Variants in C9orf43 observed in about 807,000 individuals in gnomAD.
The protein encoded by C9orf43 is uncharacterized protein C9orf43.
C9orf43 carries 45 observed loss-of-function variants against 59.1 expected under a neutral mutation model. The ratio of observed to expected loss-of-function variants is 0.76; its 90% CI spans 0.60 to 0.98. The LOEUF is 0.98. C9orf43 is among the 50% of genes least tolerant of loss of function. C9orf43 has a pLI of 0.00. For synonymous variants in C9orf43, 203 were observed against 196.8 expected (o/e 1.03, Z -0.26); for missense variants, 533 against 554.9 (o/e 0.96, Z 0.40).
At position 113,424,175 on chromosome 9, in the gene C9orf43, A is replaced by G; in HGVS notation, c.666A>G (p.Pro222=). 6.2e-7 allele frequency: 1 copy of G among 1,607,034 alleles called. No homozygotes were observed. The highest frequency in any genetic ancestry group is 8.5e-7 in the Non-Finnish European group (1 of 1,177,162). The change falls in exon 8 of 14, where the codon CCA becomes CCG. Residue 222 remains proline (P), a synonymous_variant. Transcript: ENST00000374165. ...LPQDLLKELL[P]GGKQTMLCPE... ...CCTCTGTCCCCTTCAGACTTTTGCC[A>G]GGTGGAAAGCAAACCATGCTCTGTC...
At position 113,429,486 on chromosome 9, in the gene C9orf43, CA is replaced by C. The variant is rs2119116829; in HGVS notation, c.*102del. 2.1e-6 allele frequency: 2 copies of C among 972,090 alleles called. No homozygotes were observed. The highest frequency in any genetic ancestry group is 3.1e-6 in the Non-Finnish European group (2 of 638,642). 60.2% of individuals were successfully genotyped at this position (972,090 alleles called of 1,614,324 possible). On this transcript the variant is annotated 3_prime_UTR_variant, in exon 14 of 14. Transcript: ENST00000374165. ...AGGGCAGCAACGTTTCACATAAGGGCAAGAGGAGAGGGGCTTCTGCTCTCTG... is the reference window on the plus strand; with the variant it reads ...AGGGCAGCAACGTTTCACATAAGGGCAGAGGAGAGGGGCTTCTGCTCTCTG...
chr9:113,420,306 T>A (rs1233518292), intron 4 of C9orf43, among the ~76,000 whole-genome samples: 1 of 152,188 alleles, frequency 6.6e-6, no homozygotes, highest in Non-Finnish European at 1.5e-5. Flanking sequence ...TTGCCCAGGC[T>A]GGTCTCAAAC....
At chr9:113,414,789 A>G (rs1828299336) in intron 3 of C9orf43, among the ~76,000 whole-genome samples, 1 of 152,172 alleles carries the variant, frequency 6.6e-6, no homozygotes, top group Non-Finnish European at 1.5e-5. Context: ...GGAGGACACA[A>G]TTCAGCCCAT....
intron 6 of C9orf43, among the ~76,000 whole-genome samples, 181 bp downstream of exon 6, chr9:113,422,766 C>A (rs981598071): frequency 1.3e-5 from 2 of 152,022 alleles, no homozygotes; most frequent in African/African-American, 4.8e-5. Flanking sequence ...CTCCTTTTTT[C>A]TGTCTCCTTC....
Position 113,413,895 on chromosome 9 carries a change from G to T in C9orf43, c.287+1G>T. 6.2e-7 allele frequency: 1 copy of T among 1,606,536 alleles called. No individual in the cohort carries two copies. Among genetic ancestry groups the T allele is most frequent in the South Asian group, 1.1e-5 (1 of 88,920 alleles). ...AGTTTTACTCCAAATTTCATGGCAG[G>T]TAAATTATCATGGAATCTTCCTTTA... On this transcript the variant is annotated splice_donor_variant, in intron 3 of 13. Coordinates refer to ENST00000374165, the MANE Select transcript of C9orf43 (RefSeq NM_001278629.2). LOFTEE classifies it high-confidence loss of function.
chr9:113,413,700 T>C, intron 2 of C9orf43, 56 bp downstream of exon 2: 1 of 1,611,614 alleles, frequency 6.2e-7, no homozygotes, highest in Non-Finnish European at 8.5e-7. Flanking sequence ...TATTTATGTA[T>C]GTGGCTCCCT....
In C9orf43 at chr9:113,410,827, A is replaced by G; in HGVS notation, c.-224A>G. 3.8e-6 allele frequency: 2 copies of G among 525,512 alleles called. No individual in the cohort carries two copies. The highest frequency in any genetic ancestry group is 1.5e-4 in the South Asian group (2 of 13,554). 32.6% of individuals were successfully genotyped at this position (525,512 alleles called of 1,614,324 possible). A position where few individuals can be genotyped will look rare whatever the true frequency, so the allele number is the denominator to read the frequency against. Reference sequence around the variant, plus strand: ...GGGGCCACGTTTTACCACTTGATTTAGCAACCCTAAGCGGTTTGGAATCTG... The same window carrying G: ...GGGGCCACGTTTTACCACTTGATTTGGCAACCCTAAGCGGTTTGGAATCTG... On this transcript the variant is annotated 5_prime_UTR_variant, in exon 1 of 14. Coordinates refer to ENST00000374165, the MANE Select transcript of C9orf43 (RefSeq NM_001278629.2).
intron 7 of C9orf43, 74 bp downstream of exon 7, chr9:113,423,572 G>GT (rs1266561847): frequency 1.4e-6 from 2 of 1,432,514 alleles, no homozygotes; most frequent in African/African-American, 2.8e-5. Context: ...TCTAAACAGT[G>GT]TGCTTTTTCT....
chr9:113,414,059 T>A (rs1430088119), intron 3 of C9orf43, among the ~76,000 whole-genome samples, 165 bp downstream of exon 3: 1 of 152,226 alleles, frequency 6.6e-6, no homozygotes. Context: ...AAACCCTTCC[T>A]GCTTGTGCCC....
chr9:113,424,090 T>C (rs1463469852), intron 7 of C9orf43, 76 bp from the exon 8 acceptor site: 9 of 1,503,690 alleles, frequency 6.0e-6, no homozygotes, highest in Non-Finnish European at 6.2e-6. Flanking sequence ...TGGAGCCCTT[T>C]ACATCTCTTT....
rs1353671975 is a variant in C9orf43 at position 113,413,754 on chromosome 9, C to T, written c.152-5C>T. 1.2e-6 allele frequency: 2 copies of T among 1,613,344 alleles called. No individual in the cohort carries two copies. The highest frequency in any genetic ancestry group is 1.7e-6 in the Non-Finnish European group (2 of 1,179,814). ...AACATGTTTTCTTCTGGTCTGCCTT[C>T]TTAGATAAACTCCCAGTGCTCACCG... On this transcript the variant is annotated splice_region_variant and splice_polypyrimidine_tract_variant and intron_variant, in intron 2 of 13. Transcript: ENST00000374165.
intron 11 of C9orf43, 113 bp from the exon 12 acceptor site, chr9:113,428,034 C>G: frequency 1.0e-6 from 1 of 996,780 alleles, no homozygotes; most frequent in Non-Finnish European, 1.6e-6. Flanking sequence ...CCATCAAGGT[C>G]TTGTCTTTTC....
chr9:113,415,554 C>T (rs1030682297), intron 3 of C9orf43, among the ~76,000 whole-genome samples: 3 of 152,080 alleles, frequency 2.0e-5, no homozygotes, highest in Admixed American at 6.5e-5. Flanking sequence ...ATCCTGTAAT[C>T]CCAGAGTGTT....
Position 113,421,128 on chromosome 9 carries a change from C to T in C9orf43, c.371C>T (p.Thr124Met), listed in dbSNP as rs552516202. Residue 124 changes from threonine (T) to methionine (M), a missense_variant, in exon 5 of 14, where the codon ACG becomes ATG. Coordinates refer to ENST00000374165, the MANE Select transcript of C9orf43 (RefSeq NM_001278629.2). ...TTTCCAGTGTTGAATTTGAATGAGA[C>T]GCAACTTCCCTGCCCTGAAGATGTT... is the stretch of plus-strand genomic sequence containing the variant. The part of the protein sequence containing the change: ...PKFPVLNLNE[T>M]QLPCPEDVRN... 4.5e-5 allele frequency: 72 copies of T among 1,613,602 alleles called. No individual in the cohort carries two copies. The highest frequency in any genetic ancestry group is 5.1e-5 in the Non-Finnish European group (60 of 1,179,730).
Position 113,425,715 on chromosome 9 carries a change from C to T in C9orf43, c.1015C>T (p.His339Tyr). 1 of 1,613,430 alleles carries T rather than the reference C, an allele frequency of 6.2e-7. No individual in the cohort carries two copies. The highest frequency in any genetic ancestry group is 8.5e-7 in the Non-Finnish European group (1 of 1,179,394). Residue 339 changes from histidine to tyrosine, a missense_variant, in exon 11 of 14, where the codon CAT (histidine) becomes TAT (tyrosine). Physicochemically the swap from His to Tyr is moderately conservative, Grantham distance 83. Transcript: ENST00000374165. Reference sequence around the variant, plus strand: ...ACATAAACATCCAGTTACCACCGTTCATGACCGTCTCTATGGTAAGGGGAA... The same window carrying T: ...ACATAAACATCCAGTTACCACCGTTTATGACCGTCTCTATGGTAAGGGGAA... ...TSHKHPVTTV[H>Y]DRLYGYRTLP...
chr9:113,411,465 A>AT (rs945996255), intron 1 of C9orf43, among the ~76,000 whole-genome samples: 2 of 151,632 alleles, frequency 1.3e-5, no homozygotes, highest in African/African-American at 2.4e-5. Context: ...CGCCCGGCTA[A>AT]TTTTTTTGTA....
chr9:113,425,818 A>C, intron 11 of C9orf43, 88 bp downstream of exon 11: 1 of 1,048,054 alleles, frequency 9.5e-7, no homozygotes. Flanking sequence ...TGCTCTTGTC[A>C]TTTTGAGACC....
chr9:113,414,673 C>T (rs949051960), intron 3 of C9orf43, among the ~76,000 whole-genome samples: 5 of 152,050 alleles, frequency 3.3e-5, no homozygotes, highest in Admixed American at 2.6e-4. Flanking sequence ...TGGGTTAGGG[C>T]CCCCTCATGT....
chr9:113,425,213 A>G, intron 9 of C9orf43, 131 bp from the exon 10 acceptor site: 2 of 1,464,640 alleles, frequency 1.4e-6, no homozygotes, highest in Non-Finnish European at 1.9e-6. Context: ...AGGAAACAAT[A>G]GTTTCAGGAA....
Sources: allele counts gnomAD v4.1 joint callset (sites outside exome capture counted in the v4.1 genomes callset), GRCh38; gene constraint gnomAD v4.1.1; transcripts MANE v1.5; gene names NCBI Gene and HGNC (gene_info 2026-07-23, HGNC 2026-07-21).